The following HMMR variants were observed in gnomAD, a reference collection of about 807,000 sequenced individuals.
HMMR encodes the protein hyaluronan mediated motility receptor.
In HMMR, 108 loss-of-function variants were observed where a neutral mutation model predicts 101.0. The ratio of observed to expected loss-of-function variants is 1.07; its 90% CI spans 0.92 to 1.25. The LOEUF is 1.25. HMMR is among the 50% of genes most tolerant of loss of function. The probability of loss-of-function intolerance (pLI) is 0.00; values close to 1 mark genes in which losing one functional copy is unlikely to be tolerated. For synonymous variants in HMMR, 296 were observed against 276.4 expected (o/e 1.07, Z -0.70); for missense variants, 813 against 788.7 (o/e 1.03, Z -0.37).
At position 163,474,051 on chromosome 5, in the gene HMMR, T is replaced by C. The variant is rs1324145107; in HGVS notation, c.905-6T>C. ...TCCAGTATTCTTGATGTTTTGCGTTTTCTAGAAGACCATGTCAACAGGAAT... is the reference window on the plus strand; with the variant it reads ...TCCAGTATTCTTGATGTTTTGCGTTCTCTAGAAGACCATGTCAACAGGAAT... On this transcript the variant is annotated splice_polypyrimidine_tract_variant and splice_region_variant and intron_variant, in intron 9 of 17. Coordinates refer to ENST00000393915, the MANE Select transcript of HMMR (RefSeq NM_001142556.2). 3 of 1,604,336 alleles carry C rather than the reference T, an allele frequency of 1.9e-6. No homozygotes were observed. The East Asian group carries it at 6.7e-5, about 36-fold the overall frequency.
intron 7 of HMMR, among the ~76,000 whole-genome samples, chr5:163,471,740 T>A (rs1386954924): frequency 6.6e-6 from 1 of 152,176 alleles, no homozygotes; most frequent in African/African-American, 2.4e-5. Flanking sequence ...GGTCATTAGA[T>A]TGAAATTGAG....
rs764481772 is a variant in HMMR at position 163,473,371 on chromosome 5, T to C, written c.726-8T>C. ...ATGTGCTTTTTAAGATAATTTGTTT[T>C]AATGCAGTTGTGCTTCAGATCAAGT... is the stretch of plus-strand genomic sequence containing the variant. On this transcript the variant is annotated splice_region_variant and splice_polypyrimidine_tract_variant and intron_variant, in intron 8 of 17. Transcript: ENST00000393915. 3 of 1,603,012 alleles carry C rather than the reference T, an allele frequency of 1.9e-6. No individual in the cohort carries two copies. The highest frequency in any genetic ancestry group is 2.6e-6 in the Non-Finnish European group (3 of 1,173,878).
Position 163,471,353 on chromosome 5 carries a change from T to C in HMMR, c.550-10T>C. 1 of 1,613,462 alleles carries C rather than the reference T, an allele frequency of 6.2e-7. No homozygotes were observed. The highest frequency in any genetic ancestry group is 8.5e-7 in the Non-Finnish European group (1 of 1,179,456). On this transcript the variant is annotated splice_polypyrimidine_tract_variant and intron_variant, in intron 6 of 17. Coordinates refer to ENST00000393915, the MANE Select transcript of HMMR (RefSeq NM_001142556.2). ...TCTCATTTCCTAAAACAGGTATCTT[T>C]GTTGTGTAGGGTATGATGGCTAAGC...
intron 12 of HMMR, among the ~76,000 whole-genome samples, chr5:163,482,020 A>G (rs1025326845): frequency 6.6e-6 from 1 of 152,088 alleles, no homozygotes; most frequent in African/African-American, 2.4e-5. Context: ...GGTTCAAGTG[A>G]TTCTCCTGCC....
rs554232242 is a variant in HMMR at position 163,460,658 on chromosome 5, C to T, written c.-35C>T. 6.9e-5 allele frequency: 109 copies of T among 1,586,150 alleles called. 3 individuals are homozygous for T. In the South Asian group the frequency reaches 8.7e-4, roughly 13 times the overall value. On this transcript the variant is annotated 5_prime_UTR_variant, in exon 1 of 18. Transcript: ENST00000393915. ...ATCCGCATTCAGTTGTCGAGGAGTG[C>T]CAGTCACCTTCAGTTTCTGGAGCTG...
At chr5:163,490,668 G>A (rs1303652445) in intron 17 of HMMR, 116 bp downstream of exon 17, 1 of 764,160 alleles carries the variant, frequency 1.3e-6, no homozygotes, top group Non-Finnish European at 2.2e-6. Flanking sequence ...TCTGATAAAA[G>A]CAGTTCTTAC....
Position 163,474,152 on chromosome 5 carries a change from G to T in HMMR, c.1000G>T (p.Glu334Ter). The change falls in exon 10 of 18, where the codon GAA becomes TAA. Residue 334 changes from glutamate (E) to a stop codon, truncating the protein, a stop_gained. Coordinates refer to ENST00000393915, the MANE Select transcript of HMMR (RefSeq NM_001142556.2). LOFTEE classifies it high-confidence loss of function. ...QKFILEQQEREKLQQKELQID... is the reference protein window; with the variant it reads ...QKFILEQQER ...GTTTATTCTTGAACAACAGGAACGT[G>T]AAAAGCTTCAACAAAAAGAATTACA... 1 of 1,610,550 alleles carries T rather than the reference G, an allele frequency of 6.2e-7. No homozygotes were observed. The highest frequency in any genetic ancestry group is 8.5e-7 in the Non-Finnish European group (1 of 1,178,258).
intron 11 of HMMR, 53 bp from the exon 12 acceptor site, chr5:163,478,631 T>C (rs1759147760): frequency 2.0e-6 from 2 of 993,194 alleles, no homozygotes; most frequent in Admixed American, 3.4e-5. Flanking sequence ...TTTTCTTTCT[T>C]AGGGTAGTAA....
chr5:163,461,991 A>C (rs978917153), intron 1 of HMMR, among the ~76,000 whole-genome samples: 14 of 152,326 alleles, frequency 9.2e-5, no homozygotes, highest in East Asian at 3.9e-4. Context: ...GTGGTTACTC[A>C]TTACGTCTCT....
intron 9 of HMMR, among the ~76,000 whole-genome samples, chr5:163,473,782 G>A (rs1758978152): frequency 6.6e-6 from 1 of 151,940 alleles, no homozygotes; most frequent in African/African-American, 2.4e-5. Flanking sequence ...CATATTACCT[G>A]TCTTGATTGA....
rs1316850724 is a variant in HMMR, at chr5:163,469,677, A to G, written c.310A>G (p.Arg104Gly). 13 of 1,613,914 alleles carry G rather than the reference A, an allele frequency of 8.1e-6. No individual in the cohort carries two copies. Among genetic ancestry groups the G allele is most frequent in the Non-Finnish European group, 9.3e-6 (11 of 1,179,956 alleles). ...VLLQERGAQD[R>G]RIQDLETELE... Reference sequence around the variant, plus strand: ...TCTACAGGAACGTGGTGCCCAGGACAGGCGGATCCAGGATCTGGAAACTGA... The same window carrying G: ...TCTACAGGAACGTGGTGCCCAGGACGGGCGGATCCAGGATCTGGAAACTGA... The change falls in exon 5 of 18, where the codon AGG becomes GGG. Residue 104 changes from arginine to glycine, a missense_variant. Arg to Gly is a moderately radical substitution (Grantham distance 125). Coordinates refer to ENST00000393915, the MANE Select transcript of HMMR (RefSeq NM_001142556.2).
At chr5:163,488,669 C>T (rs1161750960) in intron 16 of HMMR, among the ~76,000 whole-genome samples, 2 of 152,194 alleles carry the variant, frequency 1.3e-5, no homozygotes, top group East Asian at 3.8e-4. Flanking sequence ...GGCTGCCTTC[C>T]TCTCTTTCCG....
intron 12 of HMMR, among the ~76,000 whole-genome samples, chr5:163,480,539 A>G (rs947119395): frequency 2.0e-5 from 3 of 152,200 alleles, no homozygotes; most frequent in South Asian, 2.1e-4. Flanking sequence ...GAATACATGT[A>G]TGTAAGAATT....
At chr5:163,486,762 G>A (rs1350496667) in intron 16 of HMMR, among the ~76,000 whole-genome samples, 2 of 152,204 alleles carry the variant, frequency 1.3e-5, no homozygotes, top group Non-Finnish European at 1.5e-5. Flanking sequence ...CCTGTATGAT[G>A]TATATAGCGT....
chr5:163,461,530 C>T (rs1758532953), intron 1 of HMMR, among the ~76,000 whole-genome samples: 3 of 152,036 alleles, frequency 2.0e-5, no homozygotes, highest in African/African-American at 2.4e-5. Flanking sequence ...CGCGGCGGCT[C>T]ACGCCTGTAA....
intron 12 of HMMR, among the ~76,000 whole-genome samples, chr5:163,482,275 G>A (rs367855521): frequency 7.9e-5 from 12 of 152,264 alleles, no homozygotes; most frequent in Middle Eastern, 6.8e-3. Context: ...TGTGCCCTGC[G>A]GTGATGACCC....
intron 4 of HMMR, among the ~76,000 whole-genome samples, chr5:163,469,295 C>A (rs1477983527): frequency 6.7e-6 from 1 of 148,280 alleles, no homozygotes; most frequent in African/African-American, 2.5e-5. Flanking sequence ...ACCCAGGAGG[C>A]GGAGCTTGCA....
intron 11 of HMMR, 31 bp from the exon 12 acceptor site, chr5:163,478,653 A>G: frequency 7.6e-7 from 1 of 1,321,206 alleles, no homozygotes; most frequent in Non-Finnish European, 1.1e-6. Context: ...TGTAGGTGGC[A>G]TTTTATCTTT....
Position 163,491,299 on chromosome 5 carries a change from A to AT in HMMR, c.*141dup, listed in dbSNP as rs969817361. On this transcript the variant is annotated 3_prime_UTR_variant, in exon 18 of 18. Coordinates refer to ENST00000393915, the MANE Select transcript of HMMR (RefSeq NM_001142556.2). Reference sequence around the variant, plus strand: ...CAATCCTTAAATATGTGAAAGGAACATTTTTTACCAAAGTGTCTTTTGACA... The same window carrying AT: ...CAATCCTTAAATATGTGAAAGGAACATTTTTTTACCAAAGTGTCTTTTGACA... 7.3e-5 allele frequency: 39 copies of AT among 530,916 alleles called. No individual in the cohort carries two copies. The highest frequency in any genetic ancestry group is 6.8e-4 in the Admixed American group (18 of 26,488). The allele number at this position is 530,916 out of a possible 1,614,324, so 32.9% of individuals were successfully genotyped here. A position where few individuals can be genotyped will look rare whatever the true frequency, so the allele number is the denominator to read the frequency against.
Sources: allele counts gnomAD v4.1 joint callset (sites outside exome capture counted in the v4.1 genomes callset), GRCh38; gene constraint gnomAD v4.1.1; transcripts MANE v1.5; gene names NCBI Gene and HGNC (gene_info 2026-07-23, HGNC 2026-07-21).